The following SOBP variants were observed in gnomAD, a reference collection of about 807,000 sequenced individuals.
SOBP encodes the protein sine oculis-binding protein homolog.
Under a neutral mutation model 53.6 loss-of-function variants are expected in SOBP, and 4 were observed. The ratio of observed to expected loss-of-function variants is 0.07; its 90% CI spans 0.04 to 0.17. The LOEUF is 0.17. Among genes scored for constraint, SOBP ranks in the 10% least tolerant of loss-of-function variants. The pLI is 1.00. For synonymous variants in SOBP, 584 were observed against 522.6 expected, an observed-to-expected ratio of 1.12 and a Z score of -1.60; for missense variants, 1,088 against 1,204.7, an observed-to-expected ratio of 0.90 and a Z score of 1.43.
chr6:107,551,543 T>C, intron 4 of SOBP, among the ~76,000 whole-genome samples: 1 of 152,162 alleles, frequency 6.6e-6, no homozygotes, highest in Non-Finnish European at 1.5e-5. Context: ...ACAACCTGGC[T>C]AAAAACAAGG....
intron 4 of SOBP, among the ~76,000 whole-genome samples, chr6:107,577,454 C>CA (rs1192009777): frequency 1.3e-5 from 2 of 152,230 alleles, no homozygotes; most frequent in African/African-American, 4.8e-5. Flanking sequence ...TCCAGGGACT[C>CA]AGTTTCACTG....
At chr6:107,601,013 ACACT>A (rs1235670607) in intron 5 of SOBP, among the ~76,000 whole-genome samples, 6 of 152,242 alleles carry the variant, frequency 3.9e-5, no homozygotes, top group African/African-American at 1.4e-4. Flanking sequence ...CTTTGAATAG[ACACT>A]CAAGAAATAT....
intron 6 of SOBP, among the ~76,000 whole-genome samples, chr6:107,649,667 TAAA>T: frequency 7.2e-6 from 1 of 139,140 alleles, no homozygotes; most frequent in African/African-American, 2.6e-5. Context: ...GTGTGTTTGT[TAAA>T]AAAAAAAAAA....
Position 107,633,999 on chromosome 6 carries a change from G to A in SOBP, c.1155G>A (p.Met385Ile), listed in dbSNP as rs781754288. The change falls in exon 6 of 7, where the codon ATG becomes ATA. Residue 385 changes from methionine (M) to isoleucine (I), a missense_variant. Physicochemically the swap from Met to Ile is conservative, Grantham distance 10. Transcript: ENST00000317357. ...PLGVPPRSPP[M>I]VMTNRGPVPL... ...GCGTCCCGCCTCGGAGCCCTCCCATGGTGATGACCAACCGCGGCCCGGTGC... is the reference window on the plus strand; with the variant it reads ...GCGTCCCGCCTCGGAGCCCTCCCATAGTGATGACCAACCGCGGCCCGGTGC... The A allele has an allele frequency of 1.2e-6, 2 of 1,613,690 alleles. No homozygotes were observed. The highest frequency in any genetic ancestry group is 1.1e-5 in the South Asian group (1 of 91,050).
chr6:107,548,537 C>T (rs971469766), intron 4 of SOBP, among the ~76,000 whole-genome samples: 1 of 152,144 alleles, frequency 6.6e-6, no homozygotes. Flanking sequence ...CCACCGCGCC[C>T]AGCCAACCTA....
intron 4 of SOBP, among the ~76,000 whole-genome samples, chr6:107,558,693 T>C (rs1784689411): frequency 1.3e-5 from 2 of 150,914 alleles, no homozygotes; most frequent in South Asian, 4.2e-4. Flanking sequence ...ATATATTTTA[T>C]ATATGAAATA....
intron 4 of SOBP, among the ~76,000 whole-genome samples, chr6:107,535,590 A>C (rs188458409): frequency 6.7e-6 from 1 of 149,082 alleles, no homozygotes; most frequent in Admixed American, 6.7e-5. Flanking sequence ...ATATATCCCA[A>C]AGCTCTGATG....
At chr6:107,638,208 TTTAG>T (rs963278072) in intron 6 of SOBP, among the ~76,000 whole-genome samples, 299 of 151,894 alleles carry the variant, frequency 2.0e-3, no homozygotes, top group Non-Finnish European at 3.7e-3. Context: ...TATTTATTTA[TTTAG>T]TTATTTATTA....
chr6:107,512,866 A>G (rs552335369), intron 3 of SOBP, among the ~76,000 whole-genome samples: 51 of 152,300 alleles, frequency 3.3e-4, no homozygotes, highest in African/African-American at 1.2e-3. Context: ...CACATTTTAG[A>G]TCTGAGTCTT....
intron 4 of SOBP, among the ~76,000 whole-genome samples, chr6:107,552,872 A>G (rs1342901697): frequency 2.6e-5 from 4 of 152,136 alleles, no homozygotes; most frequent in African/African-American, 4.8e-5. Context: ...GCAGTGAGCT[A>G]TGATCACACC....
At chr6:107,591,968 G>GTTTTTTTTTTTTTTTTTTTTTTTTTTTT (rs56210027) in intron 5 of SOBP, among the ~76,000 whole-genome samples, 1 of 88,638 alleles carries the variant, frequency 1.1e-5, no homozygotes. Context: ...GTCTTTTGGT[G>GTTTTTTTTTTTTTTTTTTTTTTTTTTTT]TTTTTTTTTT....
At chr6:107,509,408 A>AAC (rs1231908308) in intron 3 of SOBP, among the ~76,000 whole-genome samples, 13 of 151,770 alleles carry the variant, frequency 8.6e-5, no homozygotes, top group African/African-American at 2.9e-4. Flanking sequence ...AAAAAAAAAA[A>AAC]AACAAAACAA....
chr6:107,558,674 A>T (rs771230562), intron 4 of SOBP, among the ~76,000 whole-genome samples: 71 of 151,116 alleles, frequency 4.7e-4, no homozygotes, highest in Non-Finnish European at 8.9e-4. Context: ...AATTAATAAA[A>T]TATAATAAAT....
intron 3 of SOBP, among the ~76,000 whole-genome samples, chr6:107,509,234 A>G (rs1783089500): frequency 6.6e-6 from 1 of 152,108 alleles, no homozygotes; most frequent in African/African-American, 2.4e-5. Flanking sequence ...ATCTCTACTA[A>G]AAATACAAAA....
In SOBP at chr6:107,634,492, A is replaced by C. The variant is rs1003979992; in HGVS notation, c.1648A>C (p.Lys550Gln). The C allele has an allele frequency of 7.4e-6, 12 of 1,611,020 alleles. No individual in the cohort carries two copies. The East Asian group carries it at 2.7e-4, about 36-fold the overall frequency. Residue 550 changes from lysine (K) to glutamine (Q), a missense_variant, in exon 6 of 7, where the codon AAG becomes CAG. This residue lies in a region of SOBP where 665 missense variants were observed against 629.7 expected (regional missense o/e 1.06). Transcript: ENST00000317357. This position sits in a 1 kb window ranked among gnomAD's most constrained non-coding sequence, Gnocchi z 4.5. ...CCCTATCCCTCACGTCAGCGACTCCAAGCCCCCCAACGGGTTCTCCAGCAA... is the reference window on the plus strand; with the variant it reads ...CCCTATCCCTCACGTCAGCGACTCCCAGCCCCCCAACGGGTTCTCCAGCAA... ...PIPIPHVSDS[K>Q]PPNGFSSNGE...
intron 3 of SOBP, among the ~76,000 whole-genome samples, chr6:107,525,244 C>T (rs1416274972): frequency 6.6e-6 from 1 of 152,086 alleles, no homozygotes; most frequent in Non-Finnish European, 1.5e-5. Flanking sequence ...GAAGCAGAGG[C>T]GAGGTTGTCA....
chr6:107,507,656 A>G (rs1783036978), intron 3 of SOBP, among the ~76,000 whole-genome samples: 1 of 152,022 alleles, frequency 6.6e-6, no homozygotes, highest in Non-Finnish European at 1.5e-5. Context: ...AATGTATTTT[A>G]TGTGTGGCCC....
chr6:107,584,164 A>G (rs918922451), intron 4 of SOBP, among the ~76,000 whole-genome samples: 10 of 151,838 alleles, frequency 6.6e-5, no homozygotes, highest in African/African-American at 1.7e-4. Context: ...GTACATTACA[A>G]TCACCTGAGA....
chr6:107,594,169 G>C (rs372917476), intron 5 of SOBP, among the ~76,000 whole-genome samples: 1 of 152,144 alleles, frequency 6.6e-6, no homozygotes, highest in East Asian at 1.9e-4. Context: ...GTGTGTCTGC[G>C]TCCTGGTGTG....
Sources: gnomAD v4.1 joint callset for allele counts (sites outside exome capture counted in the v4.1 genomes callset) on GRCh38, gnomAD v4.1.1 for gene constraint, gnomAD v4.1.1 regional missense constraint, Gnocchi (gnomAD v3.1) non-coding constraint, MANE v1.5 for transcripts, NCBI Gene and HGNC (gene_info 2026-07-23, HGNC 2026-07-21) for gene names.